MAF: variants seen among roughly 807,000 people sequenced by gnomAD.
MAF encodes the protein transcription factor Maf.
Under a neutral mutation model 22.0 loss-of-function variants are expected in MAF, and 10 were observed. The ratio of observed to expected loss-of-function variants is 0.45; its 90% CI spans 0.28 to 0.77. The LOEUF (loss-of-function observed/expected upper bound fraction) is 0.77. Ranked by LOEUF, MAF falls within the 30% of genes least tolerant of loss-of-function variation. The pLI, the probability that MAF is intolerant of heterozygous loss-of-function variation, is 0.12. For synonymous variants in MAF, 337 were observed against 255.8 expected, an observed-to-expected ratio of 1.32 and a Z score of -3.03; for missense variants, 544 against 548.4, an observed-to-expected ratio of 0.99 and a Z score of 0.08.
chr16:79,461,959 T>G, the MAF span, among the ~76,000 whole-genome samples: 2 of 152,162 alleles, frequency 1.3e-5, no homozygotes, highest in Non-Finnish European at 2.9e-5. Context: ...AGAAGCCCAG[T>G]GTATTGCTCC....
chr16:79,345,202 T>TA, the MAF span, among the ~76,000 whole-genome samples: 1 of 146,652 alleles, frequency 6.8e-6, no homozygotes, highest in Non-Finnish European at 1.5e-5. Context: ...GTCAGTACAT[T>TA]ATATATTACT....
chr16:79,307,136 T>G, the MAF span, among the ~76,000 whole-genome samples: 1 of 152,190 alleles, frequency 6.6e-6, no homozygotes, highest in African/African-American at 2.4e-5. Flanking sequence ...CCGCAGTCCA[T>G]GTGGAGATGA....
At chr16:79,544,435 T>C in the MAF span, among the ~76,000 whole-genome samples, 1 of 152,142 alleles carries the variant, frequency 6.6e-6, no homozygotes, top group Non-Finnish European at 1.5e-5. Flanking sequence ...GATTTCAAAA[T>C]TTTATTTCCC....
the MAF span, among the ~76,000 whole-genome samples, chr16:79,458,213 C>G: frequency 6.6e-6 from 1 of 151,376 alleles, no homozygotes; most frequent in South Asian, 2.1e-4. Flanking sequence ...AATCACTTCT[C>G]TCCCTAAAGC....
chr16:79,514,519 G>C, the MAF span, among the ~76,000 whole-genome samples: 20 of 152,302 alleles, frequency 1.3e-4, no homozygotes, highest in African/African-American at 4.6e-4. Flanking sequence ...ATCAGCTTAT[G>C]ACCCAGAGCT....
the MAF span, among the ~76,000 whole-genome samples, chr16:79,482,719 G>C: frequency 0.014 from 2,132 of 152,142 alleles, 44 homozygotes; most frequent in African/African-American, 0.048. Flanking sequence ...CAGTCTCCCA[G>C]TGCCCCGCTG....
the MAF span, among the ~76,000 whole-genome samples, chr16:79,554,274 G>A: frequency 5.7e-4 from 87 of 152,284 alleles, 2 homozygotes; most frequent in African/African-American, 1.9e-3. Context: ...CTAATTTACA[G>A]ATGAGGAAAC....
At chr16:79,240,998 T>A in the MAF span, among the ~76,000 whole-genome samples, 455 of 152,002 alleles carry the variant, frequency 3.0e-3, 10 homozygotes, top group Admixed American at 0.023. Flanking sequence ...TGCATCAACA[T>A]CAACAAAAAG....
At chr16:79,484,378 T>C in the MAF span, among the ~76,000 whole-genome samples, 2 of 152,162 alleles carry the variant, frequency 1.3e-5, no homozygotes, top group Non-Finnish European at 2.9e-5. Flanking sequence ...ACCCAGGCCA[T>C]GGTGGCCGAA....
intron 1 of MAF, chr16:79,597,313 C>T (rs1282403066): frequency 2.9e-6 from 3 of 1,040,944 alleles, no homozygotes; most frequent in Non-Finnish European, 3.5e-6. Context: ...AAATTATATA[C>T]TAGAAACCCA....
chr16:79,225,468 A>G, the MAF span, among the ~76,000 whole-genome samples: 1 of 152,314 alleles, frequency 6.6e-6, no homozygotes, highest in African/African-American at 2.4e-5. Context: ...ACATATGGGC[A>G]AAGACTTCAT....
the MAF span, among the ~76,000 whole-genome samples, chr16:79,574,452 A>G: frequency 5.5e-4 from 84 of 152,344 alleles, no homozygotes; most frequent in African/African-American, 2.0e-3. Context: ...GAATGTTTTT[A>G]AAAACACCAT....
At chr16:79,392,921 T>C in the MAF span, among the ~76,000 whole-genome samples, 1 of 152,176 alleles carries the variant, frequency 6.6e-6, no homozygotes, top group African/African-American at 2.4e-5. Flanking sequence ...GCTGAGCAAA[T>C]GGAGACACCC....
At chr16:79,277,429 G>C in the MAF span, among the ~76,000 whole-genome samples, 6 of 152,184 alleles carry the variant, frequency 3.9e-5, no homozygotes, top group African/African-American at 1.4e-4. Context: ...AACCCATATG[G>C]AATTGCTGCA....
chr16:79,544,618 C>CA, the MAF span, among the ~76,000 whole-genome samples: 2 of 151,542 alleles, frequency 1.3e-5, no homozygotes, highest in Admixed American at 1.3e-4. Context: ...ACTAAAAATA[C>CA]AAAAAATTAG....
chr16:79,577,358 C>A, the MAF span, among the ~76,000 whole-genome samples: 3 of 152,128 alleles, frequency 2.0e-5, no homozygotes, highest in South Asian at 2.1e-4. Flanking sequence ...ATCAACTGGT[C>A]GAGATAGTGT....
chr16:79,437,535 G>C, the MAF span, among the ~76,000 whole-genome samples: 1 of 152,020 alleles, frequency 6.6e-6, no homozygotes, highest in African/African-American at 2.4e-5. Flanking sequence ...TGGTTGAGGA[G>C]GTACCCAGAG....
the MAF span, among the ~76,000 whole-genome samples, chr16:79,270,169 G>A: frequency 1.3e-5 from 2 of 152,210 alleles, no homozygotes; most frequent in South Asian, 4.2e-4. Context: ...GACAAAGGAA[G>A]CCCCTGAAAA....
At chr16:79,386,577 C>G in the MAF span, among the ~76,000 whole-genome samples, 1 of 152,160 alleles carries the variant, frequency 6.6e-6, no homozygotes, top group Non-Finnish European at 1.5e-5. Flanking sequence ...ATTAACCATA[C>G]CAGCCCATGG....
Sources: gnomAD v4.1 joint callset for allele counts (sites outside exome capture counted in the v4.1 genomes callset) on GRCh38, gnomAD v4.1.1 for gene constraint, MANE v1.5 for transcripts, NCBI Gene and HGNC (gene_info 2026-07-23, HGNC 2026-07-21) for gene names.